STK32A: variants seen among roughly 807,000 people sequenced by gnomAD.
The protein encoded by STK32A is serine/threonine-protein kinase 32A.
STK32A carries 41 observed loss-of-function variants against 53.2 expected under a neutral mutation model. That is an observed-to-expected ratio of 0.77 (90% CI 0.60 to 1.00). The LOEUF (loss-of-function observed/expected upper bound fraction) is 1.00, where lower values mean the gene tolerates loss of function less well. STK32A is among the 50% of genes least tolerant of loss of function. STK32A has a pLI of 0.00. For missense variants in STK32A, 458 were observed against 485.8 expected (o/e 0.94, Z 0.54); for synonymous variants, 166 against 162.8 (o/e 1.02, Z -0.15).
At chr5:147,320,657 C>T (rs374829581) in intron 4 of STK32A, among the ~76,000 whole-genome samples, 5 of 152,102 alleles carry the variant, frequency 3.3e-5, no homozygotes, top group South Asian at 4.2e-4. Context: ...ACAGGGGAAC[C>T]GCATTTAATA....
At chr5:147,370,285 A>G (rs1428143512) in intron 8 of STK32A, among the ~76,000 whole-genome samples, 2 of 152,258 alleles carry the variant, frequency 1.3e-5, no homozygotes, top group East Asian at 3.9e-4. Context: ...TTAGACTTCC[A>G]TTTATTGAGG....
chr5:147,368,410 C>T (rs543060998), intron 8 of STK32A, among the ~76,000 whole-genome samples: 1 of 152,212 alleles, frequency 6.6e-6, no homozygotes, highest in Non-Finnish European at 1.5e-5. Context: ...TGACTGCATA[C>T]TGTAATTTTT....
intron 2 of STK32A, among the ~76,000 whole-genome samples, chr5:147,250,667 T>C (rs4705141): frequency 0.5 from 75,614 of 151,826 alleles, 19,632 homozygotes; most frequent in Admixed American, 0.62. Context: ...ATGGGCCCAG[T>C]GCGGTGGCTC....
chr5:147,305,279 C>A (rs1753347403), intron 4 of STK32A, among the ~76,000 whole-genome samples: 2 of 152,048 alleles, frequency 1.3e-5, no homozygotes, highest in Non-Finnish European at 2.9e-5. Context: ...GGGAGTCTTG[C>A]CAACAACCTC....
intron 4 of STK32A, among the ~76,000 whole-genome samples, chr5:147,291,382 C>T (rs570642818): frequency 6.6e-6 from 1 of 152,108 alleles, no homozygotes; most frequent in Non-Finnish European, 1.5e-5. Context: ...ATTGGGATGG[C>T]ATCGCAGGGT....
At chr5:147,282,294 C>T (rs1256906903) in intron 4 of STK32A, among the ~76,000 whole-genome samples, 2 of 152,140 alleles carry the variant, frequency 1.3e-5, no homozygotes, top group Non-Finnish European at 2.9e-5. Context: ...AAAGGAAGAG[C>T]ATCCTTTCCT....
chr5:147,342,425 G>A (rs1019812423), intron 5 of STK32A: 2 of 152,814 alleles, frequency 1.3e-5, no homozygotes, highest in African/African-American at 4.8e-5. Flanking sequence ...TGGCATCTGA[G>A]CTGTGGGGTT....
intron 9 of STK32A, among the ~76,000 whole-genome samples, chr5:147,371,670 G>A (rs1757012588): frequency 6.6e-6 from 1 of 152,132 alleles, no homozygotes. Context: ...ATAGCAATTG[G>A]ACACTGCTGT....
chr5:147,327,553 C>T (rs372746336), intron 5 of STK32A, among the ~76,000 whole-genome samples: 6 of 152,176 alleles, frequency 3.9e-5, no homozygotes, highest in South Asian at 2.1e-4. Flanking sequence ...CAAAATTACC[C>T]GTAAACAGTC....
At chr5:147,269,634 T>C (rs4620074) in intron 2 of STK32A, among the ~76,000 whole-genome samples, 89,675 of 152,066 alleles carry the variant, frequency 0.59, 26,796 homozygotes, top group African/African-American at 0.67. Flanking sequence ...TGATTTTTTT[T>C]CCCTCCTCTC....
intron 2 of STK32A, among the ~76,000 whole-genome samples, chr5:147,248,141 A>AAAT (rs1310435155): frequency 7.7e-4 from 115 of 149,132 alleles, no homozygotes; most frequent in Non-Finnish European, 1.4e-3. Flanking sequence ...AAAAAAAAAA[A>AAAT]GTGTAAAAAC....
At chr5:147,281,357 G>C (rs1305854723) in intron 4 of STK32A, among the ~76,000 whole-genome samples, 1 of 152,082 alleles carries the variant, frequency 6.6e-6, no homozygotes, top group Non-Finnish European at 1.5e-5. Flanking sequence ...TCCAAAATAT[G>C]ATACAAGAAG....
Position 147,278,102 on chromosome 5 carries a change from ATTC to A in STK32A, c.53-16_53-14del, listed in dbSNP as rs1335313135. On this transcript the variant is annotated intron_variant, in intron 2 of 12. Coordinates refer to ENST00000397936, the MANE Select transcript of STK32A (RefSeq NM_001112724.2). ...AGAGAAATTGATAATTACTCATGATATTCTTCTTTTTTGTTTTACAGTCAACTT... is the reference window on the plus strand; with the variant it reads ...AGAGAAATTGATAATTACTCATGATATTCTTTTTTGTTTTACAGTCAACTT... 26 of 1,564,942 alleles carry A rather than the reference ATTC, an allele frequency of 1.7e-5. No homozygotes were observed. The highest frequency in any genetic ancestry group is 2.3e-5 in the South Asian group (2 of 85,308).
chr5:147,329,729 T>C (rs1392277276), intron 5 of STK32A, among the ~76,000 whole-genome samples: 2 of 152,182 alleles, frequency 1.3e-5, no homozygotes, highest in Non-Finnish European at 2.9e-5. Flanking sequence ...GACCATGATA[T>C]TCTATATAAA....
At chr5:147,260,762 G>C (rs1754526857) in intron 2 of STK32A, among the ~76,000 whole-genome samples, 1 of 152,274 alleles carries the variant, frequency 6.6e-6, no homozygotes, top group South Asian at 2.1e-4. Flanking sequence ...GCAGGCCCAT[G>C]GCGGGATACG....
intron 4 of STK32A, among the ~76,000 whole-genome samples, chr5:147,282,427 G>C (rs929360457): frequency 1.3e-5 from 2 of 151,972 alleles, no homozygotes; most frequent in Non-Finnish European, 2.9e-5. Context: ...TGAATGCAAC[G>C]GTACCTCACA....
At chr5:147,401,651 T>A in the STK32A span, 3 of 1,614,148 alleles carry the variant, frequency 1.9e-6, no homozygotes, top group Admixed American at 5.0e-5. Flanking sequence ...ATGGGTTCCA[T>A]CTATGCCGAG....
chr5:147,290,713 G>C (rs1446802949), intron 4 of STK32A, among the ~76,000 whole-genome samples: 1 of 152,164 alleles, frequency 6.6e-6, no homozygotes. Context: ...CTGAGAGTGT[G>C]ACAAGGTCCT....
At chr5:147,353,004 T>C (rs1490812603) in intron 7 of STK32A, among the ~76,000 whole-genome samples, 2 of 151,988 alleles carry the variant, frequency 1.3e-5, no homozygotes, top group African/African-American at 4.8e-5. Flanking sequence ...TCACTGAGAG[T>C]GGAGTCTAGG....
Sources: gnomAD v4.1 joint callset for allele counts (sites outside exome capture counted in the v4.1 genomes callset) on GRCh38, gnomAD v4.1.1 for gene constraint, MANE v1.5 for transcripts, NCBI Gene and HGNC (gene_info 2026-07-23, HGNC 2026-07-21) for gene names.